Variants in DPYS observed in about 807,000 individuals in gnomAD.
DPYS encodes the protein dihydropyrimidine amidohydrolase.
Under a neutral mutation model 50.3 loss-of-function variants are expected in DPYS, and 39 were observed. That is an observed-to-expected ratio of 0.78 (90% CI 0.60 to 1.01). The LOEUF is 1.01. Ranked by LOEUF, DPYS falls within the 50% of genes least tolerant of loss-of-function variation. The probability of loss-of-function intolerance (pLI) is 0.00; values close to 1 mark genes in which losing one functional copy is unlikely to be tolerated. For synonymous variants in DPYS, 245 were observed against 250.7 expected, an observed-to-expected ratio of 0.98 and a Z score of 0.22; for missense variants, 659 against 680.9, an observed-to-expected ratio of 0.97 and a Z score of 0.36.
At chr8:104,399,535 C>T (rs1811716674) in intron 7 of DPYS, among the ~76,000 whole-genome samples, 1 of 151,922 alleles carries the variant, frequency 6.6e-6, no homozygotes, top group African/African-American at 2.4e-5. Context: ...CATCCATTCT[C>T]CCATCTTCTG....
At chr8:104,417,330 G>A (rs769811528) in intron 7 of DPYS, among the ~76,000 whole-genome samples, 11 of 152,212 alleles carry the variant, frequency 7.2e-5, no homozygotes, top group Non-Finnish European at 1.0e-4. Context: ...TCCGAGGATG[G>A]TTTTAAATTG....
chr8:104,419,356 T>C (rs1425064830), intron 7 of DPYS, among the ~76,000 whole-genome samples: 1 of 152,226 alleles, frequency 6.6e-6, no homozygotes, highest in Non-Finnish European at 1.5e-5. Flanking sequence ...TCAACATTTA[T>C]TGTGCTTCTT....
chr8:104,381,016 A>G, intron 9 of DPYS, 168 bp downstream of exon 9: 1 of 616,432 alleles, frequency 1.6e-6, no homozygotes, highest in Non-Finnish European at 2.9e-6. Flanking sequence ...ACAATCTGGA[A>G]GGCTTATCTA....
intron 7 of DPYS, among the ~76,000 whole-genome samples, chr8:104,412,640 G>C (rs1588421587): frequency 6.6e-6 from 1 of 152,288 alleles, no homozygotes; most frequent in East Asian, 1.9e-4. Context: ...CAGGGTTGCA[G>C]GGCCCACCAG....
chr8:104,422,059 G>T (rs1190023675), intron 7 of DPYS, among the ~76,000 whole-genome samples: 1 of 152,180 alleles, frequency 6.6e-6, no homozygotes, highest in Non-Finnish European at 1.5e-5. Context: ...GGAAGACAAT[G>T]CTCTACCCCT....
chr8:104,387,806 G>T (rs2140509849), intron 8 of DPYS, among the ~76,000 whole-genome samples: 1 of 152,334 alleles, frequency 6.6e-6, no homozygotes, highest in Middle Eastern at 3.4e-3. Flanking sequence ...CTTAGAAAGT[G>T]TCCTGTGTGT....
chr8:104,440,181 T>C (rs2140687427), intron 4 of DPYS, among the ~76,000 whole-genome samples: 1 of 152,336 alleles, frequency 6.6e-6, no homozygotes, highest in East Asian at 1.9e-4. Flanking sequence ...TGTTAGTTGT[T>C]ATCATTACTA....
In DPYS at chr8:104,391,112, C is replaced by T. The variant is rs368887770; in HGVS notation, c.1443+1672G>A. Reference sequence around the variant, plus strand: ...TGCAGTTTTCTGAGAATTTAAAGCACGTGAGAAAACTTGTTTACCTAATCA... The same window carrying T: ...TGCAGTTTTCTGAGAATTTAAAGCATGTGAGAAAACTTGTTTACCTAATCA... On this transcript the variant is annotated intron_variant, in intron 8 of 9. Coordinates refer to ENST00000351513, the MANE Select transcript of DPYS (RefSeq NM_001385.3). Among the ~76,000 whole-genome samples the T allele has an allele frequency of 3.8e-4, 58 of 152,182 alleles. 1 individual carries two copies. The South Asian group carries it at 9.7e-3, about 26-fold the overall frequency.
Position 104,424,312 on chromosome 8 carries a change from T to G in DPYS, c.1170A>C (p.Pro390=), listed in dbSNP as rs767535896. 2 of 1,614,030 alleles carry G rather than the reference T, an allele frequency of 1.2e-6. No homozygotes were observed. Among genetic ancestry groups the G allele is most frequent in the Admixed American group, 1.7e-5 (1 of 60,010 alleles). Residue 390 remains proline (P), a synonymous_variant, in exon 7 of 10, where the codon CCA becomes CCC. Coordinates refer to ENST00000351513, the MANE Select transcript of DPYS (RefSeq NM_001385.3). ...ATCCTACAGCTATTCTTCCTTTTCT[T>G]GGATAGAGATTAAAAATTTTGGCTG... ...TNAAKIFNLY[P]RKGRIAVGSD...
chr8:104,441,302 A>G (rs899958375), intron 4 of DPYS, among the ~76,000 whole-genome samples: 2 of 152,192 alleles, frequency 1.3e-5, no homozygotes, highest in Non-Finnish European at 2.9e-5. Flanking sequence ...ATGCAATTTG[A>G]ACCAGCAATC....
chr8:104,438,400 T>A (rs952678578), intron 4 of DPYS, among the ~76,000 whole-genome samples: 2 of 152,174 alleles, frequency 1.3e-5, no homozygotes, highest in Non-Finnish European at 2.9e-5. Flanking sequence ...CGAGAAACTT[T>A]GCAAGACAAT....
At chr8:104,380,189 C>A (rs903987255) in intron 9 of DPYS, among the ~76,000 whole-genome samples, 4 of 152,118 alleles carry the variant, frequency 2.6e-5, no homozygotes, top group African/African-American at 4.8e-5. Flanking sequence ...CCCTCATTAT[C>A]CAAATCCCTG....
chr8:104,406,266 G>A (rs1341238202), intron 7 of DPYS, among the ~76,000 whole-genome samples: 1 of 152,126 alleles, frequency 6.6e-6, no homozygotes, highest in African/African-American at 2.4e-5. Context: ...TGTGTGAACC[G>A]GGACAAATGA....
intron 1 of DPYS, among the ~76,000 whole-genome samples, chr8:104,464,813 G>A (rs1025926355): frequency 6.6e-6 from 1 of 151,930 alleles, no homozygotes; most frequent in African/African-American, 2.4e-5. Context: ...TTTTCCAATT[G>A]TTTCCTACAA....
At chr8:104,427,878 C>A (rs1025373389) in intron 6 of DPYS, 102 bp downstream of exon 6, 8 of 1,579,026 alleles carry the variant, frequency 5.1e-6, no homozygotes, top group Non-Finnish European at 7.0e-6. Context: ...TAAAAACAAT[C>A]AAAAAGCTTC....
chr8:104,418,029 A>T (rs1344882449), intron 7 of DPYS, among the ~76,000 whole-genome samples: 1 of 152,248 alleles, frequency 6.6e-6, no homozygotes, highest in Non-Finnish European at 1.5e-5. Flanking sequence ...TGTGGCAAGC[A>T]TACTTACGTC....
At chr8:104,394,255 G>C (rs1174872623) in intron 7 of DPYS, among the ~76,000 whole-genome samples, 3 of 152,180 alleles carry the variant, frequency 2.0e-5, no homozygotes, top group Admixed American at 2.0e-4. Flanking sequence ...AGCCCCCGCT[G>C]CTGTGTGCTG....
intron 4 of DPYS, among the ~76,000 whole-genome samples, chr8:104,442,269 C>G (rs1028664425): frequency 2.6e-5 from 4 of 152,160 alleles, no homozygotes; most frequent in Non-Finnish European, 4.4e-5. Flanking sequence ...AAAACCCTCC[C>G]TAGACTTTTA....
At chr8:104,427,747 T>C (rs977527553) in intron 6 of DPYS, among the ~76,000 whole-genome samples, 2 of 152,180 alleles carry the variant, frequency 1.3e-5, no homozygotes, top group Non-Finnish European at 2.9e-5. Flanking sequence ...CGCAAAATAG[T>C]GCGATGCATC....
Sources: gnomAD v4.1 joint callset for allele counts (sites outside exome capture counted in the v4.1 genomes callset) on GRCh38, gnomAD v4.1.1 for gene constraint, MANE v1.5 for transcripts, NCBI Gene and HGNC (gene_info 2026-07-23, HGNC 2026-07-21) for gene names.